The following SLC8A1 variants were observed in gnomAD, a reference collection of about 807,000 sequenced individuals.
SLC8A1 encodes the protein solute carrier family 8 member A1.
Under a neutral mutation model 68.3 loss-of-function variants are expected in SLC8A1, and 18 were observed. That is an observed-to-expected ratio of 0.26 (90% CI 0.18 to 0.39). SLC8A1 has a LOEUF of 0.39. Among genes scored for constraint, SLC8A1 ranks in the 10% least tolerant of loss-of-function variants. The probability of loss-of-function intolerance (pLI) is 1.00; values close to 1 mark genes in which losing one functional copy is unlikely to be tolerated. For missense variants in SLC8A1, 985 were observed against 1,156.7 expected (o/e 0.85, Z 2.15); for synonymous variants, 475 against 415.5 (o/e 1.14, Z -1.74).
intron 2 of SLC8A1, among the ~76,000 whole-genome samples, chr2:40,287,413 C>CCATAATGTCACATTATG (rs1337447766): frequency 1.3e-5 from 2 of 152,018 alleles, no homozygotes; most frequent in Non-Finnish European, 2.9e-5. Flanking sequence ...CTCACAGAAG[C>CCATAATGTCACATTATG]TGACATTATC....
rs769845975 is a variant in SLC8A1 at position 40,246,656 on chromosome 2, GAA to G, written c.1809-68803_1809-68802del. Among the ~76,000 whole-genome samples, 8 of 152,266 alleles carry G rather than the reference GAA, an allele frequency of 5.3e-5. No homozygotes were observed. In the South Asian group the frequency reaches 1.2e-3, roughly 24 times the overall value. On this transcript the variant is annotated intron_variant, in intron 2 of 7. Transcript: ENST00000406785. Reference sequence around the variant, plus strand: ...GCCCTCCAAACAGACCTTTCATAAGGAAAAGTCACTGCTACTTCATTAATTCC... The same window carrying G: ...GCCCTCCAAACAGACCTTTCATAAGGAAGTCACTGCTACTTCATTAATTCC...
At chr2:40,369,885 T>TA (rs11383290) in intron 2 of SLC8A1, among the ~76,000 whole-genome samples, 110,677 of 151,824 alleles carry the variant, frequency 0.73, 41,804 homozygotes, top group African/African-American at 0.93. Flanking sequence ...ACCAAAAAAA[T>TA]AAAAAAACTG....
At chr2:40,172,801 G>C (rs1310933350) in intron 4 of SLC8A1, among the ~76,000 whole-genome samples, 1 of 152,036 alleles carries the variant, frequency 6.6e-6, no homozygotes, top group Non-Finnish European at 1.5e-5. Flanking sequence ...AATTAGCTAG[G>C]CGTGGTGGCA....
chr2:40,366,342 T>A (rs1676191307), intron 2 of SLC8A1, among the ~76,000 whole-genome samples: 2 of 152,130 alleles, frequency 1.3e-5, no homozygotes, highest in Admixed American at 1.3e-4. Context: ...TGGTATATGT[T>A]AAATGAATCT....
chr2:40,303,446 G>A (rs1394401681), intron 2 of SLC8A1, among the ~76,000 whole-genome samples: 3 of 152,076 alleles, frequency 2.0e-5, no homozygotes, highest in South Asian at 2.1e-4. Flanking sequence ...TGCACTACCC[G>A]GGCACAACAC....
chr2:40,128,877 T>C (rs1194119769), intron 7 of SLC8A1, among the ~76,000 whole-genome samples: 2 of 152,226 alleles, frequency 1.3e-5, no homozygotes. Context: ...CACTATCATG[T>C]AGAGAATCCA....
chr2:40,339,190 G>C (rs1666944548), intron 2 of SLC8A1, among the ~76,000 whole-genome samples: 1 of 152,178 alleles, frequency 6.6e-6, no homozygotes, highest in African/African-American at 2.4e-5. Flanking sequence ...TGAAATGATA[G>C]GTTATTCATT....
At chr2:40,370,735 C>A (rs1677763969) in intron 2 of SLC8A1, among the ~76,000 whole-genome samples, 1 of 151,988 alleles carries the variant, frequency 6.6e-6, no homozygotes, top group Non-Finnish European at 1.5e-5. Flanking sequence ...AAACTAATAC[C>A]AACTCCAGTA....
intron 2 of SLC8A1, among the ~76,000 whole-genome samples, chr2:40,332,763 G>T (rs1411120994): frequency 6.6e-6 from 1 of 152,122 alleles, no homozygotes; most frequent in African/African-American, 2.4e-5. Context: ...CCATCCAGCT[G>T]AATCATTTTA....
chr2:40,352,591 T>C (rs1042922197), intron 2 of SLC8A1, among the ~76,000 whole-genome samples: 2 of 152,204 alleles, frequency 1.3e-5, no homozygotes, highest in African/African-American at 4.8e-5. Flanking sequence ...TGTAAAACTC[T>C]GGATGTAATT....
intron 2 of SLC8A1, among the ~76,000 whole-genome samples, chr2:40,352,783 T>C (rs1335634655): frequency 6.6e-6 from 1 of 152,194 alleles, no homozygotes; most frequent in Non-Finnish European, 1.5e-5. Flanking sequence ...AAGTAGGACG[T>C]GGCTTTAAGT....
In SLC8A1 at chr2:40,271,949, C is replaced by A. The variant is rs1044774655; in HGVS notation, c.1809-94094G>T. ...TGGAACCGTCATAGCTCACTGCAGC[C>A]TCGATGTCTTGGGCTCAAGCAATCC... On this transcript the variant is annotated intron_variant, in intron 2 of 7. Coordinates refer to ENST00000406785, the Ensembl canonical transcript of SLC8A1. Among the ~76,000 whole-genome samples, 5 of 152,072 alleles carry A rather than the reference C, an allele frequency of 3.3e-5. No homozygotes were observed. The East Asian group carries it at 7.7e-4, about 24-fold the overall frequency.
At chr2:40,204,828 C>A (rs1211217873) in intron 2 of SLC8A1, among the ~76,000 whole-genome samples, 1 of 151,596 alleles carries the variant, frequency 6.6e-6, no homozygotes, top group Non-Finnish European at 1.5e-5. Flanking sequence ...CATACTAAAT[C>A]TTTGAAATCT....
At chr2:40,409,640 TATA>T (rs1010913259) in intron 2 of SLC8A1, among the ~76,000 whole-genome samples, 10 of 152,260 alleles carry the variant, frequency 6.6e-5, no homozygotes, top group Non-Finnish European at 1.0e-4. Flanking sequence ...GGTGGTGGCA[TATA>T]ATGAGGCTGG....
At chr2:40,502,534 TA>T (rs1706116870) in intron 1 of SLC8A1, among the ~76,000 whole-genome samples, 2 of 152,072 alleles carry the variant, frequency 1.3e-5, no homozygotes, top group Admixed American at 6.6e-5. Flanking sequence ...TGACAAAAAC[TA>T]AACATATACT....
intron 2 of SLC8A1, among the ~76,000 whole-genome samples, chr2:40,275,442 T>G (rs562234295): frequency 1.3e-5 from 2 of 152,220 alleles, no homozygotes; most frequent in Non-Finnish European, 2.9e-5. Context: ...GCTCTACCTA[T>G]GAAGAACAAC....
At chr2:40,498,684 C>T (rs879285234) in intron 1 of SLC8A1, among the ~76,000 whole-genome samples, 3 of 152,182 alleles carry the variant, frequency 2.0e-5, no homozygotes, top group Admixed American at 2.0e-4. Context: ...GGGTGATGTG[C>T]TGCAAGGCTC....
intron 2 of SLC8A1, among the ~76,000 whole-genome samples, chr2:40,207,609 A>G (rs572852683): frequency 3.0e-4 from 46 of 152,254 alleles, no homozygotes; most frequent in African/African-American, 1.1e-3. Context: ...TATTAAACAA[A>G]TCCACATTAA....
chr2:40,461,181 C>T (rs540831526), intron 1 of SLC8A1, among the ~76,000 whole-genome samples: 18 of 152,090 alleles, frequency 1.2e-4, no homozygotes, highest in Admixed American at 6.5e-5. Flanking sequence ...TCTATAAAGT[C>T]GATACTATTA....
Sources: gnomAD v4.1 joint callset for allele counts (sites outside exome capture counted in the v4.1 genomes callset) on GRCh38, gnomAD v4.1.1 for gene constraint, MANE v1.5 for transcripts, NCBI Gene and HGNC (gene_info 2026-07-23, HGNC 2026-07-21) for gene names.